Variants in SPATA22 observed in about 807,000 individuals in gnomAD.
SPATA22 encodes spermatogenesis-associated protein 22.
SPATA22 carries 29 observed loss-of-function variants against 47.8 expected under a neutral mutation model. The ratio of observed to expected loss-of-function variants is 0.61; its 90% CI spans 0.45 to 0.83. The LOEUF is 0.83. Among genes scored for constraint, SPATA22 ranks in the 40% least tolerant of loss-of-function variants. The pLI is 0.00. For synonymous variants in SPATA22, 133 were observed against 140.9 expected (o/e 0.94, Z 0.40); for missense variants, 410 against 421.7 (o/e 0.97, Z 0.24).
chr17:3,450,434 T>G (rs945756877), intron 5 of SPATA22, among the ~76,000 whole-genome samples: 2 of 152,184 alleles, frequency 1.3e-5, no homozygotes, highest in African/African-American at 2.4e-5. Context: ...AGAAAAAAAT[T>G]GTTAGAATTA....
At chr17:3,446,673 G>A (rs919949273) in intron 6 of SPATA22, 72 bp from the exon 7 acceptor site, 14 of 1,228,312 alleles carry the variant, frequency 1.1e-5, no homozygotes, top group African/African-American at 9.4e-5. Flanking sequence ...TACCTTCTAC[G>A]TAAAAATTCT....
At chr17:3,483,004 T>C (rs1014126149) in intron 1 of SPATA22, among the ~76,000 whole-genome samples, 36 of 141,858 alleles carry the variant, frequency 2.5e-4, no homozygotes, top group African/African-American at 9.2e-4. Context: ...TTGCCAGATA[T>C]GGAAGCAGAA....
At chr17:3,456,836 A>C (rs2073010504) in intron 5 of SPATA22, among the ~76,000 whole-genome samples, 1 of 151,644 alleles carries the variant, frequency 6.6e-6, no homozygotes, top group Non-Finnish European at 1.5e-5. Context: ...AGCACATCAA[A>C]AAGCTTATCC....
chr17:3,449,947 G>A (rs1417222341), intron 5 of SPATA22, among the ~76,000 whole-genome samples: 1 of 151,996 alleles, frequency 6.6e-6, no homozygotes, highest in Admixed American at 6.6e-5. Context: ...CAATCTCCCA[G>A]GCTCAAGCGA....
At chr17:3,504,786 C>T (rs1409051413) in intron 1 of SPATA22, among the ~76,000 whole-genome samples, 7 of 152,044 alleles carry the variant, frequency 4.6e-5, no homozygotes, top group African/African-American at 1.4e-4. Context: ...CTCGAACCCC[C>T]GAACTCAGAT....
intron 1 of SPATA22, among the ~76,000 whole-genome samples, chr17:3,496,782 C>A (rs1199688163): frequency 6.6e-6 from 1 of 152,074 alleles, no homozygotes; most frequent in African/African-American, 2.4e-5. Flanking sequence ...AATGCTGATT[C>A]CTGGCCAGGA....
chr17:3,448,943 T>C lies in SPATA22; in HGVS notation c.536A>G (p.His179Arg), dbSNP rs1275517383. The change falls in exon 6 of 9, where the codon CAT becomes CGT. Residue 179 changes from histidine (H) to arginine (R), a missense_variant. By Grantham distance (29) the His-to-Arg change is conservative (BLOSUM62 0). Transcript: ENST00000572969. Reference sequence around the variant, plus strand: ...TGTGCAGCCAGATATTTTTGATGAATGTGTTTGTCTGAGTAGCTCGGTTTC... The same window carrying C: ...TGTGCAGCCAGATATTTTTGATGAACGTGTTTGTCTGAGTAGCTCGGTTTC... ...NKETELLRQT[H>R]SSKISGCTMR... The C allele has an allele frequency of 6.2e-7, 1 of 1,613,968 alleles. No homozygotes were observed. The highest frequency in any genetic ancestry group is 8.5e-7 in the Non-Finnish European group (1 of 1,180,000).
At chr17:3,459,007 AC>A (rs756979289) in intron 5 of SPATA22, among the ~76,000 whole-genome samples, 9 of 150,876 alleles carry the variant, frequency 6.0e-5, no homozygotes, top group African/African-American at 9.8e-5. Context: ...ACATGGATGA[AC>A]CTAGAGGATG....
At position 3,485,166 on chromosome 17, in the gene SPATA22, G is replaced by A. The variant is rs527271213; in HGVS notation, c.-73-15768C>T. Among the ~76,000 whole-genome samples, 4 of 152,172 alleles carry A rather than the reference G, an allele frequency of 2.6e-5. No homozygotes were observed. The highest frequency in any genetic ancestry group is 1.9e-4 in the East Asian group (1 of 5,174). ...CCCAAGTAGCTTGAACTACAGGCAC[G>A]TGCCACCACATTCAGCTAATTTTTT... On this transcript the variant is annotated intron_variant, in intron 1 of 8. Transcript: ENST00000541913. The surrounding 1 kb of genome is among the most constrained non-coding windows in gnomAD (Gnocchi z 4.4).
chr17:3,510,210 G>A (rs2074094247), intron 1 of SPATA22, among the ~76,000 whole-genome samples: 4 of 152,184 alleles, frequency 2.6e-5, no homozygotes, highest in African/African-American at 9.6e-5. Context: ...TTATGTGGCT[G>A]TGAATCCCTG....
chr17:3,483,972 A>T (rs959053898), intron 1 of SPATA22, among the ~76,000 whole-genome samples: 3 of 152,172 alleles, frequency 2.0e-5, no homozygotes, highest in African/African-American at 7.2e-5. Flanking sequence ...ATTATTTTTA[A>T]AAAAACATTT....
chr17:3,448,326 C>G (rs2072774178), intron 6 of SPATA22, among the ~76,000 whole-genome samples: 1 of 152,188 alleles, frequency 6.6e-6, no homozygotes, highest in Admixed American at 6.5e-5. Context: ...AGAGCAGTGT[C>G]CATTCATTTA....
At chr17:3,484,473 G>C (rs9902120) in intron 1 of SPATA22, among the ~76,000 whole-genome samples, 42,230 of 151,926 alleles carry the variant, frequency 0.28, 6,373 homozygotes, top group East Asian at 0.57. Flanking sequence ...GATCACAGAA[G>C]GCCCAAAGAA....
intron 2 of SPATA22, chr17:3,468,260 T>C (rs2073356813): frequency 1.3e-5 from 2 of 152,236 alleles, no homozygotes; most frequent in Admixed American, 1.3e-4. Flanking sequence ...AGTCACAAAA[T>C]ATAAACTTTG....
chr17:3,453,518 T>C (rs961613504), intron 5 of SPATA22, among the ~76,000 whole-genome samples: 2 of 152,140 alleles, frequency 1.3e-5, no homozygotes, highest in Admixed American at 1.3e-4. Context: ...AAAGGTCATT[T>C]GCAAAATTCC....
At chr17:3,484,534 G>A (rs2073686939) in intron 1 of SPATA22, among the ~76,000 whole-genome samples, 1 of 151,990 alleles carries the variant, frequency 6.6e-6, no homozygotes, top group Non-Finnish European at 1.5e-5. Context: ...GGGAGGAAAG[G>A]AAAAAAATTG....
chr17:3,509,239 C>A (rs566209778), intron 1 of SPATA22, among the ~76,000 whole-genome samples: 1 of 151,906 alleles, frequency 6.6e-6, no homozygotes, highest in Admixed American at 6.6e-5. Flanking sequence ...GCAGAACATG[C>A]AGGTTTGTTA....
In SPATA22 at chr17:3,443,284, G is replaced by C. The variant is rs2072637959; in HGVS notation, c.803-13C>G. The C allele has an allele frequency of 6.4e-7, 1 of 1,552,060 alleles. No individual in the cohort carries two copies. The highest frequency in any genetic ancestry group is 8.8e-7 in the Non-Finnish European group (1 of 1,142,770). On this transcript the variant is annotated splice_polypyrimidine_tract_variant and intron_variant, in intron 7 of 8. Coordinates refer to ENST00000572969, the MANE Select transcript of SPATA22 (RefSeq NM_001170698.2). ...GAATCAAGAACAGCTAAGCAATATT[G>C]AAATGGGGGAAAAAATGAATGTTGG... is the stretch of plus-strand genomic sequence containing the variant.
intron 2 of SPATA22, chr17:3,468,953 C>T: frequency 1.9e-6 from 1 of 515,180 alleles, no homozygotes; most frequent in Non-Finnish European, 2.6e-6. Flanking sequence ...GACAGAAGTG[C>T]TTCCGGAAAT....
Sources: gnomAD v4.1 joint callset for allele counts (sites outside exome capture counted in the v4.1 genomes callset) on GRCh38, gnomAD v4.1.1 for gene constraint, Gnocchi (gnomAD v3.1) non-coding constraint, MANE v1.5 for transcripts, NCBI Gene and HGNC (gene_info 2026-07-23, HGNC 2026-07-21) for gene names.